The following RGPD8 variants were observed in gnomAD, a reference collection of about 807,000 sequenced individuals.
The protein encoded by RGPD8 is RANBP2 like and GRIP domain containing 8.
RGPD8 carries 15 observed loss-of-function variants against 89.1 expected under a neutral mutation model. The ratio of observed to expected loss-of-function variants is 0.17; its 90% CI spans 0.11 to 0.26. The LOEUF (loss-of-function observed/expected upper bound fraction) is 0.26. Ranked by LOEUF, RGPD8 falls within the 10% of genes least tolerant of loss-of-function variation. The pLI, the probability that RGPD8 is intolerant of heterozygous loss-of-function variation, is 1.00. For missense variants in RGPD8, 178 were observed against 1,179.6 expected (o/e 0.15, Z 12.44); for synonymous variants, 62 against 420.9 (o/e 0.15, Z 10.44).
At chr2:112,371,081 G>A (rs1355136286) in intron 22 of RGPD8, among the ~76,000 whole-genome samples, 1 of 151,018 alleles carries the variant, frequency 6.6e-6, no homozygotes, top group Non-Finnish European at 1.5e-5. Flanking sequence ...TAAAACAGAA[G>A]CTTATATACA....
Position 112,390,012 on chromosome 2 carries a change from G to C in RGPD8, c.2933C>G (p.Thr978Ser). 6.3e-7 allele frequency: 1 copy of C among 1,576,834 alleles called. No homozygotes were observed. Among genetic ancestry groups the C allele is most frequent in the Non-Finnish European group, 8.6e-7 (1 of 1,159,650 alleles). The change falls in exon 20 of 23, where the codon ACT (threonine) becomes AGT (serine). Residue 978 changes from threonine (T) to serine (S), a missense_variant. Coordinates refer to ENST00000302558, the MANE Select transcript of RGPD8 (RefSeq NM_001164463.1). ...TFTFADVAKS[T>S]SGEGFQFGKK... ...GCCAAACTGAAATCCTTCTCCTGAAGTTGATTTTGCAACATCTGCAAATGT... is the reference window on the plus strand; with the variant it reads ...GCCAAACTGAAATCCTTCTCCTGAACTTGATTTTGCAACATCTGCAAATGT...
intron 6 of RGPD8, among the ~76,000 whole-genome samples, chr2:112,415,236 T>G (rs1283215278): frequency 6.6e-6 from 1 of 152,192 alleles, no homozygotes. Flanking sequence ...ACAAAAAAAA[T>G]TAGCCGAGCG....
At chr2:112,415,149 C>T (rs543321939) in intron 6 of RGPD8, among the ~76,000 whole-genome samples, 142 of 150,636 alleles carry the variant, frequency 9.4e-4, no homozygotes, top group South Asian at 1.9e-3. Flanking sequence ...TTCGGGAGGC[C>T]GAGGAGGGCA....
In RGPD8 at chr2:112,433,511, C is replaced by G. The variant is rs534186879; in HGVS notation, c.-58G>C. On this transcript the variant is annotated 5_prime_UTR_variant, in exon 1 of 23. Coordinates refer to ENST00000302558, the MANE Select transcript of RGPD8 (RefSeq NM_001164463.1). ...GAGCACCGCTCAGCCCCGCAGCAGT[C>G]GCCACTTCCAAGAGGAAAGTGCCTG... The G allele has an allele frequency of 1.1e-5, 17 of 1,542,292 alleles. No individual in the cohort carries two copies. In the South Asian group the frequency reaches 1.8e-4, roughly 17 times the overall value.
At chr2:112,410,646 T>C (rs1274099786) in intron 7 of RGPD8, among the ~76,000 whole-genome samples, 2 of 150,626 alleles carry the variant, frequency 1.3e-5, no homozygotes, top group African/African-American at 5.0e-5. Flanking sequence ...GGCATGGTGG[T>C]GTGTGCCTGT....
At chr2:112,410,353 T>A (rs1378541071) in intron 7 of RGPD8, among the ~76,000 whole-genome samples, 1 of 147,638 alleles carries the variant, frequency 6.8e-6, no homozygotes, top group African/African-American at 2.7e-5. Flanking sequence ...AAGAACCTTT[T>A]AATGTTTGTA....
chr2:112,370,533 C>A (rs1677936094), intron 22 of RGPD8, among the ~76,000 whole-genome samples: 1 of 127,676 alleles, frequency 7.8e-6, no homozygotes, highest in Non-Finnish European at 1.7e-5. Flanking sequence ...ACCACCATGC[C>A]TGGGTAATTT....
At chr2:112,415,218 C>A (rs1286393840) in intron 6 of RGPD8, among the ~76,000 whole-genome samples, 3 of 152,178 alleles carry the variant, frequency 2.0e-5, no homozygotes, top group African/African-American at 4.8e-5. Context: ...TCCGTCTCTA[C>A]TAAAAATACA....
chr2:112,424,005 G>A (rs1226834713), intron 2 of RGPD8, among the ~76,000 whole-genome samples: 2 of 152,168 alleles, frequency 1.3e-5, no homozygotes, highest in African/African-American at 2.4e-5. Flanking sequence ...AGTGTTTTAA[G>A]CCAAACAATT....
Position 112,433,413 on chromosome 2 carries a change from G to C in RGPD8, c.41C>G (p.Ser14Trp). The C allele has an allele frequency of 1.2e-6, 2 of 1,610,568 alleles. No individual in the cohort carries two copies. The highest frequency in any genetic ancestry group is 1.7e-6 in the Non-Finnish European group (2 of 1,179,164). Reference sequence around the variant, plus strand: ...AGGCGACGGGGTGAGACCCAGCACCGAGGCGACGTACCGCTCCACATCGGC... The same window carrying C: ...AGGCGACGGGGTGAGACCCAGCACCCAGGCGACGTACCGCTCCACATCGGC... ...SKADVERYVA[S>W]VLGLTPSPRQ... is the part of the protein sequence containing the mutation. The change falls in exon 1 of 23, where the codon TCG becomes TGG. Residue 14 changes from serine to tryptophan, a missense_variant. Coordinates refer to ENST00000302558, the MANE Select transcript of RGPD8 (RefSeq NM_001164463.1).
intron 1 of RGPD8, among the ~76,000 whole-genome samples, chr2:112,432,919 C>CG (rs201077523): frequency 0.097 from 10,478 of 107,870 alleles, 847 homozygotes; most frequent in Middle Eastern, 0.18. Flanking sequence ...GAGCAGCGCC[C>CG]TCGGGAGCCA....
At chr2:112,416,120 GA>G (rs1233350382) in intron 6 of RGPD8, among the ~76,000 whole-genome samples, 1 of 138,574 alleles carries the variant, frequency 7.2e-6, no homozygotes, top group African/African-American at 2.7e-5. Context: ...AAGAAAGAAA[GA>G]AAAAAAGGAA....
intron 1 of RGPD8, among the ~76,000 whole-genome samples, chr2:112,426,335 T>A (rs553397317): frequency 6.6e-6 from 1 of 151,866 alleles, no homozygotes; most frequent in Non-Finnish European, 1.5e-5. Context: ...ACATACAGCA[T>A]GAATATGTTG....
At chr2:112,411,512 A>G (rs1679202687) in intron 7 of RGPD8, among the ~76,000 whole-genome samples, 1 of 32,944 alleles carries the variant, frequency 3.0e-5, no homozygotes, top group African/African-American at 1.3e-4. Context: ...TGGAGCTTGC[A>G]GTGAGCCGAG....
At chr2:112,425,318 G>A (rs374395586) in intron 1 of RGPD8, among the ~76,000 whole-genome samples, 13 of 148,484 alleles carry the variant, frequency 8.8e-5, no homozygotes, top group Non-Finnish European at 1.6e-4. Context: ...GAGGATTCCC[G>A]GGTCCATGTA....
Position 112,433,554 on chromosome 2 carries a change from G to A in RGPD8, c.-101C>T, listed in dbSNP as rs1353825401. The A allele has an allele frequency of 1.6e-6, 2 of 1,266,500 alleles. No individual in the cohort carries two copies. The highest frequency in any genetic ancestry group is 2.2e-6 in the Non-Finnish European group (2 of 927,022). 78.5% of individuals were successfully genotyped at this position (1,266,500 alleles called of 1,614,324 possible). A position where few individuals can be genotyped will look rare whatever the true frequency, so the allele number is the denominator to read the frequency against. ...AGTGCCTGCAAGCCACTGAAGCAGC[G>A]GCGTAGCCGGCGGAGGCCCACTGTG... On this transcript the variant is annotated 5_prime_UTR_variant, in exon 1 of 23. Transcript: ENST00000302558.
intron 1 of RGPD8, among the ~76,000 whole-genome samples, 187 bp from the exon 2 acceptor site, chr2:112,424,494 C>A (rs3979367): frequency 1.3e-5 from 2 of 152,006 alleles, no homozygotes; most frequent in Non-Finnish European, 2.9e-5. Flanking sequence ...CCGAAGTGGG[C>A]GGATCACCTG....
intron 6 of RGPD8, among the ~76,000 whole-genome samples, chr2:112,415,942 T>C (rs1679387711): frequency 6.6e-6 from 1 of 152,094 alleles, no homozygotes; most frequent in African/African-American, 2.4e-5. Context: ...ATACAAAAAT[T>C]AGCTGGGCGT....
intron 18 of RGPD8, among the ~76,000 whole-genome samples, chr2:112,391,324 T>TA (rs1183165532): frequency 2.0e-5 from 3 of 146,902 alleles, no homozygotes; most frequent in African/African-American, 4.9e-5. Context: ...TCGCAAGCAT[T>TA]AAAAAAGGAA....
Sources: allele counts gnomAD v4.1 joint callset (sites outside exome capture counted in the v4.1 genomes callset), GRCh38; gene constraint gnomAD v4.1.1; transcripts MANE v1.5; gene names NCBI Gene and HGNC (gene_info 2026-07-23, HGNC 2026-07-21).